Variants in DDHD2 observed in about 807,000 individuals in gnomAD.
The protein encoded by DDHD2 is triacylglycerol hydrolase DDHD2.
A neutral mutation model predicts 91.2 loss-of-function variants in DDHD2; 62 were observed. That is an observed-to-expected ratio of 0.68 (90% CI 0.55 to 0.84). The LOEUF (loss-of-function observed/expected upper bound fraction) is 0.84, where lower values mean the gene tolerates loss of function less well. Ranked by LOEUF, DDHD2 falls within the 40% of genes least tolerant of loss-of-function variation. The pLI is 0.00. For synonymous variants in DDHD2, 271 were observed against 293.9 expected (o/e 0.92, Z 0.80); for missense variants, 740 against 846.9 (o/e 0.87, Z 1.57).
intron 1 of DDHD2, chr8:38,270,803 G>T (rs1263492825): frequency 6.6e-6 from 1 of 152,130 alleles, no homozygotes; most frequent in African/African-American, 2.4e-5. Flanking sequence ...TTACTTACAT[G>T]TAAATTACTT....
downstream of DDHD2, chr8:38,266,010 A>G: frequency 1.3e-6 from 1 of 743,642 alleles, no homozygotes; most frequent in Non-Finnish European, 2.1e-6. Context: ...TACTTAGTAC[A>G]GAACCCAGAC....
rs1242928645 is a variant in DDHD2, at chr8:38,252,707, G to A, written c.1618-15G>A. 1 of 1,542,818 alleles carries A rather than the reference G, an allele frequency of 6.5e-7. No homozygotes were observed. The highest frequency in any genetic ancestry group is 9.0e-7 in the Non-Finnish European group (1 of 1,116,208). ...CTTAGCAGAGGTAAATGTAGCTCTT[G>A]TTTTTCCTATGTAGTTTGATCCTGT... On this transcript the variant is annotated splice_polypyrimidine_tract_variant and intron_variant, in intron 13 of 17. Coordinates refer to ENST00000397166, the MANE Select transcript of DDHD2 (RefSeq NM_015214.3).
intron 10 of DDHD2, among the ~76,000 whole-genome samples, chr8:38,248,370 G>GTT (rs371675401): frequency 9.3e-5 from 10 of 107,128 alleles, no homozygotes; most frequent in African/African-American, 1.3e-4. Flanking sequence ...CAGCTGATTT[G>GTT]TTTTTTTTTT....
downstream of DDHD2, chr8:38,266,300 C>A: frequency 1.2e-6 from 2 of 1,612,284 alleles, no homozygotes; most frequent in Non-Finnish European, 1.7e-6. Flanking sequence ...AAGGCCAGAC[C>A]AGCAAATGCA....
Position 38,234,054 on chromosome 8 carries a change from C to G in DDHD2, c.221-340C>G, listed in dbSNP as rs144731564. ...AAGAATGATTCTATTTATACTGAATCATCATGATGGTTATTAATTTACCTT... is the reference window on the plus strand; with the variant it reads ...AAGAATGATTCTATTTATACTGAATGATCATGATGGTTATTAATTTACCTT... On this transcript the variant is annotated intron_variant, in intron 2 of 17. Transcript: ENST00000397166. Among the ~76,000 whole-genome samples the G allele has an allele frequency of 5.0e-3, 764 of 152,158 alleles. 6 individuals carry two copies. Among genetic ancestry groups the G allele is most frequent in the Non-Finnish European group, 6.8e-3 (464 of 68,010 alleles).
chr8:38,269,278 C>G, intron 1 of DDHD2: 1 of 1,313,584 alleles, frequency 7.6e-7, no homozygotes, highest in South Asian at 1.8e-5. Flanking sequence ...TGGGCACCGC[C>G]CCCTCTCCCA....
rs918302831 is a variant in DDHD2 at position 38,260,606 on chromosome 8, A to G, written c.*33A>G. The G allele has an allele frequency of 2.6e-5, 4 of 153,222 alleles. No individual in the cohort carries two copies. The highest frequency in any genetic ancestry group is 9.7e-5 in the African/African-American group (4 of 41,418). 9.5% of individuals were successfully genotyped at this position (153,222 alleles called of 1,614,324 possible). On this transcript the variant is annotated 3_prime_UTR_variant, in exon 18 of 18. Coordinates refer to ENST00000397166, the MANE Select transcript of DDHD2 (RefSeq NM_015214.3). ...CTCCCACTTTCTTCCCTAGACGGAC[A>G]TTGAGGGATCCTTCCCCAGAAAATC...
At chr8:38,254,177 T>G (rs187000800) in intron 16 of DDHD2, among the ~76,000 whole-genome samples, 2 of 152,180 alleles carry the variant, frequency 1.3e-5, no homozygotes, top group South Asian at 2.1e-4. Flanking sequence ...TTAAACACAC[T>G]GTTGTTTTAT....
At chr8:38,267,810 A>G, downstream of DDHD2, 1 of 1,296,166 alleles carries the variant, frequency 7.7e-7, no homozygotes, top group South Asian at 1.2e-5. Context: ...AAGAATGAGA[A>G]AGACGTGTGG....
At position 38,261,760 on chromosome 8, in the gene DDHD2, C is replaced by T. The variant is rs141113536; in HGVS notation, c.*1187C>T. ...ACAAGTGACTGCACACTAATTTTGT[C>T]AAGGCATCTTTTCACTACTTTGCTG... On this transcript the variant is annotated 3_prime_UTR_variant, in exon 18 of 18. Transcript: ENST00000397166. 10 of 152,238 alleles carry T rather than the reference C, an allele frequency of 6.6e-5. No homozygotes were observed. Among genetic ancestry groups the T allele is most frequent in the African/African-American group, 2.2e-4 (9 of 41,540 alleles). 9.4% of individuals were successfully genotyped at this position (152,238 alleles called of 1,614,324 possible).
At chr8:38,232,941 T>A in intron 1 of DDHD2, 46 bp from the exon 2 acceptor site, 2 of 1,439,390 alleles carry the variant, frequency 1.4e-6, no homozygotes. Context: ...GTGCGAACAG[T>A]TACACAGTTA....
Position 38,237,133 on chromosome 8 carries a change from T to G in DDHD2, c.412-405T>G, listed in dbSNP as rs187044456. The stretch of plus-strand genomic sequence containing the variant: ...GCTCATGCTTGTAATCCCAGCACTT[T>G]GGGAGGCCGAGGCAGGCAGATCACC... On this transcript the variant is annotated intron_variant, in intron 3 of 17. Coordinates refer to ENST00000397166, the MANE Select transcript of DDHD2 (RefSeq NM_015214.3). 3.3e-5 allele frequency among the ~76,000 whole-genome samples: 5 copies of G among 152,068 alleles called. No individual in the cohort carries two copies. The East Asian group carries it at 5.8e-4, about 18-fold the overall frequency.
intron 7 of DDHD2, among the ~76,000 whole-genome samples, chr8:38,244,188 T>C (rs1417901179): frequency 6.6e-6 from 1 of 152,198 alleles, no homozygotes; most frequent in African/African-American, 2.4e-5. Flanking sequence ...GCTCAAGCAA[T>C]CTGTCTGCTT....
rs1275443396 is a variant in DDHD2, at chr8:38,262,280, T to C, written c.*1707T>C. The C allele has an allele frequency of 1.3e-5, 2 of 152,212 alleles. No homozygotes were observed. Among genetic ancestry groups the C allele is most frequent in the East Asian group, 1.9e-4 (1 of 5,206 alleles). The allele number at this position is 152,212 out of a possible 1,614,324, so 9.4% of individuals were successfully genotyped here. A position where few individuals can be genotyped will look rare whatever the true frequency, so the allele number is the denominator to read the frequency against. ...TTCAAATTTATGTTTACTCTTCCTA[T>C]TGGCAGAATAGGTGCTATTTAAGAG... On this transcript the variant is annotated 3_prime_UTR_variant, in exon 18 of 18. Coordinates refer to ENST00000397166, the MANE Select transcript of DDHD2 (RefSeq NM_015214.3).
rs534275923 is a variant in DDHD2 at position 38,269,277 on chromosome 8, C to T, written n.88-1845C>T. 365 of 1,312,178 alleles carry T rather than the reference C, an allele frequency of 2.8e-4. 3 individuals carry two copies. The African/African-American group carries it at 4.0e-3, about 14-fold the overall frequency. 81.3% of individuals were successfully genotyped at this position (1,312,178 alleles called of 1,614,324 possible). A position where few individuals can be genotyped will look rare whatever the true frequency, so the allele number is the denominator to read the frequency against. On this transcript the variant is annotated intron_variant and non_coding_transcript_variant, in intron 1 of 1. Coordinates refer to the DDHD2 transcript ENST00000526071. ...GGGCCGGGCCGGGAACTGGGCACCG[C>T]CCCCTCTCCCAGTTGCCCGCGCTCC...
downstream of DDHD2, chr8:38,265,585 C>CT (rs1258844768): frequency 6.6e-6 from 1 of 152,196 alleles, no homozygotes; most frequent in Non-Finnish European, 1.5e-5. Flanking sequence ...GCCACTGCAC[C>CT]TGGCCTCAAT....
chr8:38,267,836 T>G, downstream of DDHD2: 1 of 1,496,132 alleles, frequency 6.7e-7, no homozygotes, highest in Non-Finnish European at 9.3e-7. Context: ...ACCATTAACC[T>G]CTCTGTTCTG....
downstream of DDHD2, chr8:38,266,125 T>C: frequency 2.5e-6 from 4 of 1,612,822 alleles, no homozygotes; most frequent in South Asian, 2.2e-5. Context: ...TTCCATAGCC[T>C]GAGTACTTTG....
At chr8:38,270,050 A>C (rs564182807) in intron 1 of DDHD2, 1 of 152,330 alleles carries the variant, frequency 6.6e-6, no homozygotes, top group South Asian at 2.1e-4. Flanking sequence ...TCAAAATATT[A>C]TATATCTTGA....
Sources: gnomAD v4.1 joint callset for allele counts (sites outside exome capture counted in the v4.1 genomes callset) on GRCh38, gnomAD v4.1.1 for gene constraint, MANE v1.5 for transcripts, NCBI Gene and HGNC (gene_info 2026-07-23, HGNC 2026-07-21) for gene names.